The following NAV3 variants were observed in gnomAD, a reference collection of about 807,000 sequenced individuals.
The protein encoded by NAV3 is pore membrane and/or filament interacting like protein 1.
A neutral mutation model predicts 244.7 loss-of-function variants in NAV3; 87 were observed. The ratio of observed to expected loss-of-function variants is 0.36; its 90% CI spans 0.30 to 0.42. The LOEUF (loss-of-function observed/expected upper bound fraction) is 0.42, where lower values mean the gene tolerates loss of function less well. Ranked by LOEUF, NAV3 falls within the 20% of genes least tolerant of loss-of-function variation. NAV3 has a pLI of 1.00. For synonymous variants in NAV3, 1,126 were observed against 1,042.2 expected, an observed-to-expected ratio of 1.08 and a Z score of -1.55; for missense variants, 2,663 against 2,893.3, an observed-to-expected ratio of 0.92 and a Z score of 1.83.
At chr12:78,019,447 CATT>C (rs1876784062) in intron 8 of NAV3, among the ~76,000 whole-genome samples, 1 of 152,088 alleles carries the variant, frequency 6.6e-6, no homozygotes, top group Admixed American at 6.6e-5. Flanking sequence ...GGGAGTTAAA[CATT>C]AATCAATTAA....
intron 2 of NAV3, among the ~76,000 whole-genome samples, chr12:77,700,010 T>G (rs747525255): frequency 2.6e-4 from 39 of 152,306 alleles, no homozygotes; most frequent in Non-Finnish European, 4.3e-4. Context: ...GCCTATAGTC[T>G]AATCTATGGA....
intron 30 of NAV3, among the ~76,000 whole-genome samples, chr12:78,183,454 A>G (rs1958582195): frequency 6.6e-6 from 1 of 151,976 alleles, no homozygotes; most frequent in South Asian, 2.1e-4. Context: ...CCCATTTTAT[A>G]GCTGAGGAAG....
chr12:77,789,368 A>T (rs1871064408), intron 2 of NAV3, among the ~76,000 whole-genome samples: 1 of 150,784 alleles, frequency 6.6e-6, no homozygotes, highest in African/African-American at 2.4e-5. Context: ...TTTCCCCAAA[A>T]CTCCTTGCTA....
At chr12:77,939,994 A>T (rs1842126) in intron 1 of NAV3, among the ~76,000 whole-genome samples, 73,806 of 151,918 alleles carry the variant, frequency 0.49, 18,745 homozygotes, top group South Asian at 0.65. Flanking sequence ...TGTTTTCAAA[A>T]TGATAGAAAC....
At chr12:78,174,804 A>G (rs1239326950) in intron 24 of NAV3, among the ~76,000 whole-genome samples, 2 of 151,942 alleles carry the variant, frequency 1.3e-5, no homozygotes, top group Non-Finnish European at 2.9e-5. Context: ...CTGTGAGATT[A>G]TGTGCTTACA....
rs143528708 is a variant in NAV3 at position 77,920,268 on chromosome 12, C to T, written c.244-20051C>T. Among the ~76,000 whole-genome samples the T allele has an allele frequency of 5.3e-5, 8 of 152,026 alleles. No homozygotes were observed. The East Asian group carries it at 1.6e-3, about 29-fold the overall frequency. On this transcript the variant is annotated intron_variant, in intron 1 of 39. Transcript: ENST00000397909. ...TAATTAAAATTAGTGCTCTAAATCCCATAATTAATATTTGAATAAAGAATA... is the reference window on the plus strand; with the variant it reads ...TAATTAAAATTAGTGCTCTAAATCCTATAATTAATATTTGAATAAAGAATA...
intron 1 of NAV3, among the ~76,000 whole-genome samples, chr12:77,908,841 A>G (rs1403463387): frequency 6.6e-6 from 1 of 152,052 alleles, no homozygotes; most frequent in East Asian, 1.9e-4. Flanking sequence ...GCCTATGAAA[A>G]TAGATTGTAT....
intron 1 of NAV3, among the ~76,000 whole-genome samples, chr12:77,896,696 T>C (rs1884668799): frequency 6.6e-6 from 1 of 152,152 alleles, no homozygotes; most frequent in African/African-American, 2.4e-5. Flanking sequence ...TATGGAGAAG[T>C]GGAGGGAACA....
At chr12:77,782,901 G>A (rs1164920939) in intron 2 of NAV3, among the ~76,000 whole-genome samples, 1 of 151,868 alleles carries the variant, frequency 6.6e-6, no homozygotes, top group African/African-American at 2.4e-5. Flanking sequence ...TCCTCTTAGT[G>A]TGAAAATTGA....
At position 77,831,493 on chromosome 12, in the gene NAV3, G is replaced by A. The variant is rs2136074588; in HGVS notation, c.32G>A (p.Arg11Lys). MPVLGVASKL[R>K]QPAVGSKPVH... ...GTTCTTGGGGTTGCCTCAAAACTGA[G>A]GCAGCCAGCTGTTGGGTCAAAGCCT... The change falls in exon 1 of 40, where the codon AGG (arginine) becomes AAG (lysine). Residue 11 changes from arginine to lysine, a missense_variant. This residue lies in a region of NAV3 where 1,521 missense variants were observed against 1,497.0 expected (regional missense o/e 1.02). Transcript: ENST00000397909. 6.2e-7 allele frequency: 1 copy of A among 1,609,332 alleles called. No individual in the cohort carries two copies. Among genetic ancestry groups the A allele is most frequent in the South Asian group, 1.1e-5 (1 of 89,638 alleles).
chr12:77,917,547 C>T (rs1173076380), intron 1 of NAV3, among the ~76,000 whole-genome samples: 4 of 151,924 alleles, frequency 2.6e-5, no homozygotes, highest in Middle Eastern at 3.2e-3. Flanking sequence ...GCATGTGTAA[C>T]GGTCCTATTT....
At chr12:77,623,069 C>T (rs1050670371) in intron 2 of NAV3, among the ~76,000 whole-genome samples, 5 of 152,152 alleles carry the variant, frequency 3.3e-5, no homozygotes, top group Non-Finnish European at 5.9e-5. Flanking sequence ...ACTTGCTAAA[C>T]ATCAAGTGAT....
At chr12:77,865,724 T>TCC (rs1879904794) in intron 1 of NAV3, among the ~76,000 whole-genome samples, 1 of 150,856 alleles carries the variant, frequency 6.6e-6, no homozygotes, top group African/African-American at 2.4e-5. Flanking sequence ...AATTCGTTGC[T>TCC]TCTCTCTCTC....
intron 2 of NAV3, among the ~76,000 whole-genome samples, chr12:77,731,786 T>C (rs1226135245): frequency 6.6e-6 from 1 of 151,968 alleles, no homozygotes; most frequent in Non-Finnish European, 1.5e-5. Flanking sequence ...AATGTTTATG[T>C]GTAGAATTTT....
chr12:78,115,728 C>T (rs376783801), intron 12 of NAV3, among the ~76,000 whole-genome samples: 1 of 151,818 alleles, frequency 6.6e-6, no homozygotes, highest in African/African-American at 2.4e-5. Context: ...TGCTTACCAT[C>T]GTGTTAGAGT....
At chr12:77,688,745 A>G (rs1309804833) in intron 2 of NAV3, among the ~76,000 whole-genome samples, 1 of 151,934 alleles carries the variant, frequency 6.6e-6, no homozygotes, top group African/African-American at 2.4e-5. Flanking sequence ...AGAGTATCTT[A>G]AAGACGGATA....
chr12:78,038,399 ATGCTAAATGCAGGCT>A (rs1446945357), intron 9 of NAV3, among the ~76,000 whole-genome samples: 8 of 152,238 alleles, frequency 5.3e-5, no homozygotes, highest in Non-Finnish European at 1.0e-4. Flanking sequence ...CAAGAAACTA[ATGCTAAATGCAGGCT>A]TGCTTTTACT....
intron 1 of NAV3, among the ~76,000 whole-genome samples, chr12:77,923,320 G>T (rs1046681550): frequency 6.6e-6 from 1 of 152,046 alleles, no homozygotes; most frequent in Non-Finnish European, 1.5e-5. Context: ...CATTGCTTAT[G>T]TTTTTAAATA....
chr12:78,098,856 C>T (rs1412053376), intron 12 of NAV3, among the ~76,000 whole-genome samples: 1 of 149,916 alleles, frequency 6.7e-6, no homozygotes, highest in African/African-American at 2.4e-5. Flanking sequence ...CACAATTTGA[C>T]AAATGTAACT....
Sources: gnomAD v4.1 joint callset for allele counts (sites outside exome capture counted in the v4.1 genomes callset) on GRCh38, gnomAD v4.1.1 for gene constraint, gnomAD v4.1.1 regional missense constraint, MANE v1.5 for transcripts, NCBI Gene and HGNC (gene_info 2026-07-23, HGNC 2026-07-21) for gene names.